Variants in PEX14 observed in about 807,000 individuals in gnomAD.
PEX14 encodes peroxisomal biogenesis factor 14.
Under a neutral mutation model 49.5 loss-of-function variants are expected in PEX14, and 15 were observed. The ratio of observed to expected loss-of-function variants is 0.30; its 90% CI spans 0.20 to 0.47. PEX14 has a LOEUF of 0.47. PEX14 is among the 20% of genes least tolerant of loss of function. The probability of loss-of-function intolerance (pLI) is 1.00; values close to 1 mark genes in which losing one functional copy is unlikely to be tolerated. For synonymous variants in PEX14, 210 were observed against 212.7 expected (o/e 0.99, Z 0.11); for missense variants, 398 against 494.8 (o/e 0.80, Z 1.86).
At chr1:10,584,536 A>G (rs1159231969) in intron 3 of PEX14, among the ~76,000 whole-genome samples, 1 of 152,236 alleles carries the variant, frequency 6.6e-6, no homozygotes, top group Non-Finnish European at 1.5e-5. Flanking sequence ...CTTAGTCTCA[A>G]ACAGTTCAGG....
chr1:10,509,260 T>G (rs1641844102), intron 2 of PEX14, among the ~76,000 whole-genome samples: 1 of 152,176 alleles, frequency 6.6e-6, no homozygotes, highest in Non-Finnish European at 1.5e-5. Flanking sequence ...GGCATGCCTC[T>G]TAACCTCACC....
intron 4 of PEX14, among the ~76,000 whole-genome samples, chr1:10,611,575 A>G (rs1261965024): frequency 6.6e-6 from 1 of 152,202 alleles, no homozygotes; most frequent in African/African-American, 2.4e-5. Flanking sequence ...CTATTTCCCA[A>G]AATGGTTGTA....
In PEX14 at chr1:10,629,486, G is replaced by C; in HGVS notation, c.678-45G>C. On this transcript the variant is annotated intron_variant, in intron 8 of 8. Coordinates refer to ENST00000356607, the MANE Select transcript of PEX14 (RefSeq NM_004565.3). The surrounding 1 kb of genome is among the most constrained non-coding windows in gnomAD (Gnocchi z 8.5). Reference sequence around the variant, plus strand: ...AAGGCGTGGCCCTTCGAAGGGGGGCGTCCTGAATGCCGCCACCAACCTCCT... The same window carrying C: ...AAGGCGTGGCCCTTCGAAGGGGGGCCTCCTGAATGCCGCCACCAACCTCCT... The C allele has an allele frequency of 7.1e-7, 1 of 1,406,470 alleles. No individual in the cohort carries two copies. Among genetic ancestry groups the C allele is most frequent in the Non-Finnish European group, 1.0e-6 (1 of 996,408 alleles). The allele number at this position is 1,406,470 out of a possible 1,614,324, so 87.1% of individuals were successfully genotyped here. A position where few individuals can be genotyped will look rare whatever the true frequency, so the allele number is the denominator to read the frequency against.
Position 10,486,862 on chromosome 1 carries a change from T to C in PEX14, c.37-8412T>C, listed in dbSNP as rs143247222. On this transcript the variant is annotated intron_variant, in intron 1 of 8. Transcript: ENST00000356607. ...CCGCCATGCTTGGCTAATTTTTTTG[T>C]GTTTTTAGTAGAGATGGGGTTTCAC... 3.2e-3 allele frequency among the ~76,000 whole-genome samples: 494 copies of C among 152,180 alleles called. 2 individuals carry two copies. Among genetic ancestry groups the C allele is most frequent in the African/African-American group, 0.011 (474 of 41,518 alleles).
intron 1 of PEX14, among the ~76,000 whole-genome samples, chr1:10,479,433 C>T (rs1032339637): frequency 6.6e-6 from 1 of 152,152 alleles, no homozygotes; most frequent in African/African-American, 2.4e-5. Flanking sequence ...CATGAGCCAC[C>T]ACGCCCAGCC....
intron 2 of PEX14, among the ~76,000 whole-genome samples, chr1:10,499,502 G>T (rs1258087159): frequency 6.9e-6 from 1 of 144,904 alleles, no homozygotes; most frequent in Non-Finnish European, 1.5e-5. Flanking sequence ...AGGCTGGAGT[G>T]CAGTGGTGTG....
Position 10,536,455 on chromosome 1 carries a change from G to A in PEX14, c.169+158G>A, listed in dbSNP as rs933691386. On this transcript the variant is annotated intron_variant, in intron 3 of 8. Coordinates refer to ENST00000356607, the MANE Select transcript of PEX14 (RefSeq NM_004565.3). Reference sequence around the variant, plus strand: ...TGAGGCGAACCCCCCAGTGGGGCATGCAGGTTTCTTTCCTGACAATGGAGC... The same window carrying A: ...TGAGGCGAACCCCCCAGTGGGGCATACAGGTTTCTTTCCTGACAATGGAGC... 96 of 665,640 alleles carry A rather than the reference G, an allele frequency of 1.4e-4. No individual in the cohort carries two copies. In the East Asian group the frequency reaches 2.5e-3, roughly 18 times the overall value. 41.2% of individuals were successfully genotyped at this position (665,640 alleles called of 1,614,324 possible).
intron 2 of PEX14, chr1:10,524,356 GTAA>G: frequency 8.1e-6 from 3 of 368,948 alleles, no homozygotes; most frequent in Non-Finnish European, 1.1e-5. Context: ...AAGCAAGATG[GTAA>G]TTCATAATCC....
rs556654554 is a variant in PEX14, at chr1:10,543,890, G to A, written c.169+7593G>A. Among the ~76,000 whole-genome samples, 16 of 152,248 alleles carry A rather than the reference G, an allele frequency of 1.1e-4. No homozygotes were observed. The South Asian group carries it at 3.3e-3, about 32-fold the overall frequency. On this transcript the variant is annotated intron_variant, in intron 3 of 8. Coordinates refer to ENST00000356607, the MANE Select transcript of PEX14 (RefSeq NM_004565.3). The stretch of plus-strand genomic sequence containing the variant: ...ATTGGAATTACAGACATGAACCACG[G>A]CACCTGGCCCATGGAGCACAGAGAA...
Position 10,623,765 on chromosome 1 carries a change from C to T in PEX14, c.488-575C>T, listed in dbSNP as rs565837023. On this transcript the variant is annotated intron_variant, in intron 6 of 8. Transcript: ENST00000356607. The surrounding 1 kb of genome is among the most constrained non-coding windows in gnomAD (Gnocchi z 4.4). ...CGTTTGTGAAGCTCACAGAAACCCT[C>T]TGACACGTCCATCCTGCTGCCGTTT... Among the ~76,000 whole-genome samples the T allele has an allele frequency of 6.6e-6, 1 of 152,374 alleles. No individual in the cohort carries two copies. Among genetic ancestry groups the T allele is most frequent in the South Asian group, 2.1e-4 (1 of 4,828 alleles).
chr1:10,566,913 C>T (rs2124542237), intron 3 of PEX14, among the ~76,000 whole-genome samples: 1 of 151,964 alleles, frequency 6.6e-6, no homozygotes, highest in South Asian at 2.1e-4. Context: ...CAGTTTTTTC[C>T]AGCTAATAAA....
At chr1:10,515,515 G>A (rs1024466544) in intron 2 of PEX14, among the ~76,000 whole-genome samples, 6 of 152,132 alleles carry the variant, frequency 3.9e-5, no homozygotes, top group Admixed American at 2.6e-4. Context: ...GTGCCTGGCC[G>A]GCTTGTGTGG....
rs141441945 is a variant in PEX14 at position 10,504,452 on chromosome 1, C to T, written c.84+9131C>T. 3.5e-3 allele frequency among the ~76,000 whole-genome samples: 534 copies of T among 152,334 alleles called. 2 individuals are homozygous for T. Among genetic ancestry groups the T allele is most frequent in the Non-Finnish European group, 6.0e-3 (407 of 68,032 alleles). ...TAAATTACCCCTGTCAGGAAGAAGACATGCTGCCACTTTTGTGACCTCTTG... is the reference window on the plus strand; with the variant it reads ...TAAATTACCCCTGTCAGGAAGAAGATATGCTGCCACTTTTGTGACCTCTTG... On this transcript the variant is annotated intron_variant, in intron 2 of 8. Transcript: ENST00000356607.
At chr1:10,531,683 T>TA (rs965525556) in intron 2 of PEX14, among the ~76,000 whole-genome samples, 9 of 152,204 alleles carry the variant, frequency 5.9e-5, no homozygotes, top group Admixed American at 6.5e-5. Context: ...TTTAATATTT[T>TA]AAGATGGCTA....
chr1:10,532,852 A>C (rs1008986856), intron 2 of PEX14, among the ~76,000 whole-genome samples: 4 of 152,182 alleles, frequency 2.6e-5, no homozygotes, highest in Non-Finnish European at 5.9e-5. Context: ...AAGTCAGTTG[A>C]ATTGCTTCAT....
chr1:10,485,752 C>G (rs1641356280), intron 1 of PEX14, among the ~76,000 whole-genome samples: 1 of 148,004 alleles, frequency 6.8e-6, no homozygotes, highest in Admixed American at 6.7e-5. Flanking sequence ...ACTTATAATT[C>G]TAGTAGTTTT....
chr1:10,600,382 C>T (rs1439830532), intron 4 of PEX14, among the ~76,000 whole-genome samples: 2 of 152,020 alleles, frequency 1.3e-5, no homozygotes, highest in Non-Finnish European at 2.9e-5. Context: ...GATCGTGCCA[C>T]TGCACTCCAG....
At chr1:10,588,918 A>C (rs1390283155) in intron 3 of PEX14, among the ~76,000 whole-genome samples, 1 of 152,198 alleles carries the variant, frequency 6.6e-6, no homozygotes, top group Non-Finnish European at 1.5e-5. Context: ...TATCCATGAA[A>C]TTGTGAAAGA....
rs1017347429 is a variant in PEX14 at position 10,629,335 on chromosome 1, G to A, written c.678-196G>A. On this transcript the variant is annotated intron_variant, in intron 8 of 8. Coordinates refer to ENST00000356607, the MANE Select transcript of PEX14 (RefSeq NM_004565.3). This position sits in a 1 kb window ranked among gnomAD's most constrained non-coding sequence, Gnocchi z 8.5. Reference sequence around the variant, plus strand: ...GGCTGTCTGTGGGGGCACAGGACCCGCTTGGCATCTATCTCAGCTGTAGGA... The same window carrying A: ...GGCTGTCTGTGGGGGCACAGGACCCACTTGGCATCTATCTCAGCTGTAGGA... 2.6e-5 allele frequency among the ~76,000 whole-genome samples: 4 copies of A among 152,348 alleles called. No homozygotes were observed. Among genetic ancestry groups the A allele is most frequent in the South Asian group, 2.1e-4 (1 of 4,832 alleles).
Sources: allele counts gnomAD v4.1 joint callset (sites outside exome capture counted in the v4.1 genomes callset), GRCh38; gene constraint gnomAD v4.1.1; non-coding constraint Gnocchi (gnomAD v3.1); transcripts MANE v1.5; gene names NCBI Gene and HGNC (gene_info 2026-07-23, HGNC 2026-07-21).